CDH4: variants seen among roughly 807,000 people sequenced by gnomAD.
The protein encoded by CDH4 is cadherin 4, also known as cadherin-4.
CDH4 carries 33 observed loss-of-function variants against 86.0 expected under a neutral mutation model. The ratio of observed to expected loss-of-function variants is 0.38; its 90% CI spans 0.29 to 0.51. CDH4 has a LOEUF of 0.51. Ranked by LOEUF, CDH4 falls within the 20% of genes least tolerant of loss-of-function variation. The pLI, the probability that CDH4 is intolerant of heterozygous loss-of-function variation, is 0.86. For missense variants in CDH4, 1,114 were observed against 1,307.4 expected, an observed-to-expected ratio of 0.85 and a Z score of 2.28; for synonymous variants, 555 against 549.4, an observed-to-expected ratio of 1.01 and a Z score of -0.14.
chr20:61,260,046 G>T (rs2123119215), intron 2 of CDH4, among the ~76,000 whole-genome samples: 2 of 152,302 alleles, frequency 1.3e-5, no homozygotes, highest in Middle Eastern at 3.4e-3. Context: ...CTCCTGAGTG[G>T]TGAGAAAAAT....
intron 2 of CDH4, among the ~76,000 whole-genome samples, chr20:61,548,387 G>A (rs751446166): frequency 1.3e-5 from 2 of 152,124 alleles, no homozygotes; most frequent in Non-Finnish European, 2.9e-5. Flanking sequence ...AGGAGCCAGG[G>A]TCACCCTGAG....
At chr20:61,780,728 G>A (rs1978494319) in intron 4 of CDH4, among the ~76,000 whole-genome samples, 1 of 152,234 alleles carries the variant, frequency 6.6e-6, no homozygotes, top group South Asian at 2.1e-4. Context: ...GAAATGGATA[G>A]TAGACAGAAT....
intron 2 of CDH4, among the ~76,000 whole-genome samples, chr20:61,300,962 CAGGG>C (rs1289761392): frequency 6.6e-6 from 1 of 152,212 alleles, no homozygotes; most frequent in Non-Finnish European, 1.5e-5. Context: ...CAGCTGGCAG[CAGGG>C]CCCTCCCACC....
At chr20:61,581,564 A>G (rs2086428692) in intron 2 of CDH4, among the ~76,000 whole-genome samples, 1 of 152,026 alleles carries the variant, frequency 6.6e-6, no homozygotes, top group Non-Finnish European at 1.5e-5. Flanking sequence ...ATGGTCAGTG[A>G]GGCAGCCTCT....
chr20:61,624,941 A>G (rs569640957), intron 2 of CDH4, among the ~76,000 whole-genome samples: 1 of 152,358 alleles, frequency 6.6e-6, no homozygotes, highest in Non-Finnish European at 1.5e-5. Context: ...CAGATAGAGC[A>G]GTTGACTGGG....
chr20:61,915,874 A>G (rs2054898883), intron 9 of CDH4, among the ~76,000 whole-genome samples: 1 of 152,134 alleles, frequency 6.6e-6, no homozygotes, highest in South Asian at 2.1e-4. Flanking sequence ...CTGCATGTCA[A>G]TTTTCAAATA....
intron 2 of CDH4, among the ~76,000 whole-genome samples, chr20:61,512,782 T>C (rs953487536): frequency 1.5e-4 from 23 of 152,214 alleles, no homozygotes; most frequent in African/African-American, 5.3e-4. Context: ...GCACGTCCAT[T>C]CCTGACTCTT....
At chr20:61,353,523 A>G (rs1002225475) in intron 2 of CDH4, among the ~76,000 whole-genome samples, 4 of 148,010 alleles carry the variant, frequency 2.7e-5, no homozygotes, top group African/African-American at 7.5e-5. Flanking sequence ...AAAACCGAAT[A>G]TATTCCACAG....
intron 2 of CDH4, among the ~76,000 whole-genome samples, chr20:61,635,247 T>A (rs188480712): frequency 6.6e-6 from 1 of 152,334 alleles, no homozygotes; most frequent in East Asian, 1.9e-4. Context: ...CGGTTCCACA[T>A]CCCCACCAGC....
At chr20:61,739,956 T>C (rs981825348) in intron 2 of CDH4, among the ~76,000 whole-genome samples, 11 of 152,206 alleles carry the variant, frequency 7.2e-5, no homozygotes, top group African/African-American at 2.4e-4. Context: ...GCGTCCTCTC[T>C]GTACACGGAG....
In CDH4 at chr20:61,656,282, CAGGCGCGTGCTGGGGTGGGT is replaced by C. The variant is rs1480973351; in HGVS notation, c.170-87276_170-87257del. ...GTGGGCAGGCGCGTGCTGGGGTGGG[CAGGCGCGTGCTGGGGTGGGT>C]AGGCACGTGCTGAAGTGGGCAGGCG... On this transcript the variant is annotated intron_variant, in intron 2 of 15. Transcript: ENST00000614565. 1.1e-4 allele frequency among the ~76,000 whole-genome samples: 10 copies of C among 91,344 alleles called. No homozygotes were observed. The East Asian group carries it at 2.0e-3, about 18-fold the overall frequency. 59.9% of individuals were successfully genotyped at this position (91,344 alleles called of 152,430 possible).
At chr20:61,919,347 T>C (rs2054941473) in intron 9 of CDH4, among the ~76,000 whole-genome samples, 1 of 152,216 alleles carries the variant, frequency 6.6e-6, no homozygotes, top group Non-Finnish European at 1.5e-5. Context: ...CTGTTCAGAC[T>C]CAGGTGCTTC....
At chr20:61,849,547 C>A (rs938819686) in intron 5 of CDH4, among the ~76,000 whole-genome samples, 1 of 152,134 alleles carries the variant, frequency 6.6e-6, no homozygotes, top group African/African-American at 2.4e-5. Flanking sequence ...TGCCTCTAGG[C>A]TCACCGGCCT....
Position 61,856,131 on chromosome 20 carries a change from G to A in CDH4, c.877+3233G>A, listed in dbSNP as rs192218701. The stretch of plus-strand genomic sequence containing the variant: ...CTTCCATCAGTAAATTACAATAATA[G>A]AAGGGTTCTACACAGTGCCTTTGTG... On this transcript the variant is annotated intron_variant, in intron 6 of 15. Transcript: ENST00000614565. Among the ~76,000 whole-genome samples the A allele has an allele frequency of 1.4e-4, 21 of 152,226 alleles. No homozygotes were observed. In the East Asian group the frequency reaches 4.1e-3, roughly 29 times the overall value.
In CDH4 at chr20:61,938,569, C is replaced by G. The variant is rs2055225027; in HGVS notation, c.*1626C>G. On this transcript the variant is annotated 3_prime_UTR_variant, in exon 16 of 16. Transcript: ENST00000614565. Reference sequence around the variant, plus strand: ...GGTGTCGGGCAGGGCGGTGCCAGCACTGGGGAAGGACAGGGAGCCCTCCCG... The same window carrying G: ...GGTGTCGGGCAGGGCGGTGCCAGCAGTGGGGAAGGACAGGGAGCCCTCCCG... The G allele has an allele frequency of 6.6e-6, 1 of 152,358 alleles. No individual in the cohort carries two copies. Among genetic ancestry groups the G allele is most frequent in the Non-Finnish European group, 1.5e-5 (1 of 68,190 alleles). 9.4% of individuals were successfully genotyped at this position (152,358 alleles called of 1,614,324 possible).
At chr20:61,720,934 T>C (rs900860573) in intron 2 of CDH4, among the ~76,000 whole-genome samples, 1 of 152,184 alleles carries the variant, frequency 6.6e-6, no homozygotes, top group South Asian at 2.1e-4. Context: ...ACTTGTTGGC[T>C]ACAGGCGAGT....
intron 2 of CDH4, among the ~76,000 whole-genome samples, chr20:61,323,176 T>G (rs1211786337): frequency 6.6e-6 from 1 of 152,042 alleles, no homozygotes; most frequent in Non-Finnish European, 1.5e-5. Context: ...CTTCTGAGAG[T>G]CAGCTGGCTT....
chr20:61,364,520 G>C (rs992986012), intron 2 of CDH4, among the ~76,000 whole-genome samples: 3 of 152,204 alleles, frequency 2.0e-5, no homozygotes, highest in African/African-American at 7.2e-5. Context: ...GCCTGGGCTT[G>C]TCTCTGTTCC....
At chr20:61,749,527 TTTG>T (rs1326563220) in intron 3 of CDH4, among the ~76,000 whole-genome samples, 2 of 152,222 alleles carry the variant, frequency 1.3e-5, no homozygotes, top group Non-Finnish European at 2.9e-5. Context: ...CAAAACATAG[TTTG>T]TTTTCTTAAC....
Sources: gnomAD v4.1 joint callset for allele counts (sites outside exome capture counted in the v4.1 genomes callset) on GRCh38, gnomAD v4.1.1 for gene constraint, MANE v1.5 for transcripts, NCBI Gene and HGNC (gene_info 2026-07-23, HGNC 2026-07-21) for gene names.